MYH9: variants seen among roughly 807,000 people sequenced by gnomAD.
MYH9 encodes the protein myosin heavy chain 9.
In MYH9, 29 loss-of-function variants were observed where a neutral mutation model predicts 241.9. The observed-to-expected ratio is 0.12, with a 90% confidence interval of 0.09 to 0.16. The LOEUF is 0.16. MYH9 is among the 10% of genes least tolerant of loss of function. The pLI, the probability that MYH9 is intolerant of heterozygous loss-of-function variation, is 1.00. For synonymous variants in MYH9, 1,047 were observed against 1,062.6 expected (o/e 0.99, Z 0.29); for missense variants, 1,803 against 2,595.5 (o/e 0.69, Z 6.63).
In MYH9 at chr22:36,329,886, C is replaced by T. The variant is rs2017395833; in HGVS notation, c.491-2398G>A. Among the ~76,000 whole-genome samples, 1 of 152,162 alleles carries T rather than the reference C, an allele frequency of 6.6e-6. No homozygotes were observed. The highest frequency in any genetic ancestry group is 2.1e-4 in the South Asian group (1 of 4,836). ...ACGTGTGCACAGAAATACATGCGCA[C>T]ACACGTGTGCAAAGCCATATACATA... On this transcript the variant is annotated intron_variant, in intron 3 of 40. Transcript: ENST00000216181. This position sits in a 1 kb window ranked among gnomAD's most constrained non-coding sequence, Gnocchi z 4.1.
intron 1 of MYH9, among the ~76,000 whole-genome samples, chr22:36,369,664 C>T (rs540490457): frequency 1.1e-4 from 17 of 152,306 alleles, no homozygotes; most frequent in East Asian, 1.9e-4. Flanking sequence ...AACTAGGTAA[C>T]GCGACCCAGC....
chr22:36,315,912 C>A (rs1360326885), intron 12 of MYH9, among the ~76,000 whole-genome samples: 1 of 151,892 alleles, frequency 6.6e-6, no homozygotes, highest in African/African-American at 2.4e-5. Flanking sequence ...GTGGTGCGTG[C>A]CTATAGTTCC....
chr22:36,288,635 C>T lies in MYH9; in HGVS notation c.4770+92G>A. The T allele has an allele frequency of 6.6e-7, 1 of 1,513,290 alleles. No homozygotes were observed. The highest frequency in any genetic ancestry group is 9.1e-7 in the Non-Finnish European group (1 of 1,103,062). 93.7% of individuals were successfully genotyped at this position (1,513,290 alleles called of 1,614,324 possible). Reference sequence around the variant, plus strand: ...GGAGGGGAGGCGTGGTCAAGGGGCCCTAACACAATCCAGGTGGAAGGAGAG... The same window carrying T: ...GGAGGGGAGGCGTGGTCAAGGGGCCTTAACACAATCCAGGTGGAAGGAGAG... On this transcript the variant is annotated intron_variant, in intron 33 of 40. Coordinates refer to ENST00000216181, the MANE Select transcript of MYH9 (RefSeq NM_002473.6). This position sits in a 1 kb window ranked among gnomAD's most constrained non-coding sequence, Gnocchi z 4.8.
chr22:36,309,399 G>T lies in MYH9; in HGVS notation c.1729-3C>A, dbSNP rs2146351821. 1 of 1,612,928 alleles carries T rather than the reference G, an allele frequency of 6.2e-7. No homozygotes were observed. The highest frequency in any genetic ancestry group is 8.5e-7 in the Non-Finnish European group (1 of 1,178,922). Reference sequence around the variant, plus strand: ...CACTCGTCAGCTTTGTAATCCACCTGGCGGGGTCAGAGAGGCAGGAGTCAC... The same window carrying T: ...CACTCGTCAGCTTTGTAATCCACCTTGCGGGGTCAGAGAGGCAGGAGTCAC... On this transcript the variant is annotated splice_region_variant and splice_polypyrimidine_tract_variant and intron_variant, in intron 14 of 40. Coordinates refer to ENST00000216181, the MANE Select transcript of MYH9 (RefSeq NM_002473.6).
At chr22:36,351,754 C>T (rs2017768346) in intron 1 of MYH9, among the ~76,000 whole-genome samples, 1 of 152,032 alleles carries the variant, frequency 6.6e-6, no homozygotes, top group Non-Finnish European at 1.5e-5. Flanking sequence ...GACCTCAAAC[C>T]CACAAAGGAT....
chr22:36,369,882 T>C (rs1006562844), intron 1 of MYH9, among the ~76,000 whole-genome samples: 3 of 152,224 alleles, frequency 2.0e-5, no homozygotes, highest in Non-Finnish European at 4.4e-5. Flanking sequence ...TCTTGGACTC[T>C]CAACATTCCC....
intron 1 of MYH9, among the ~76,000 whole-genome samples, chr22:36,373,047 C>G (rs923795985): frequency 1.3e-5 from 2 of 152,202 alleles, no homozygotes; most frequent in Non-Finnish European, 2.9e-5. Flanking sequence ...CCCAAATACT[C>G]TCTCTTTACA....
Position 36,305,010 on chromosome 22 carries a change from G to A in MYH9, c.2229+23C>T. ...GACAAGGGGCTGCCCATCCAGAGAG[G>A]CAGGGACAGCAGCTCAACTCACCAT... On this transcript the variant is annotated intron_variant, in intron 18 of 40. Transcript: ENST00000216181. This position sits in a 1 kb window ranked among gnomAD's most constrained non-coding sequence, Gnocchi z 4.7. The A allele has an allele frequency of 6.2e-7, 1 of 1,611,472 alleles. No homozygotes were observed. The highest frequency in any genetic ancestry group is 8.5e-7 in the Non-Finnish European group (1 of 1,177,970).
intron 5 of MYH9, among the ~76,000 whole-genome samples, chr22:36,324,546 C>A (rs1385071085): frequency 6.6e-6 from 1 of 152,268 alleles, no homozygotes; most frequent in African/African-American, 2.4e-5. Context: ...AACCTGGCCT[C>A]CCCGCAGCAA....
intron 1 of MYH9, among the ~76,000 whole-genome samples, chr22:36,356,061 G>C (rs2017851019): frequency 6.6e-6 from 1 of 152,132 alleles, no homozygotes; most frequent in South Asian, 2.1e-4. Context: ...AATGGCCTTG[G>C]GCACGCCAAG....
chr22:36,337,739 G>C (rs2017521071), intron 3 of MYH9, among the ~76,000 whole-genome samples: 1 of 152,208 alleles, frequency 6.6e-6, no homozygotes, highest in African/African-American at 2.4e-5. Flanking sequence ...CAAAGCCAGG[G>C]GGGCAGCATG....
chr22:36,345,506 T>C (rs1043362663), intron 2 of MYH9, among the ~76,000 whole-genome samples: 1 of 152,002 alleles, frequency 6.6e-6, no homozygotes, highest in African/African-American at 2.4e-5. Flanking sequence ...GCAGAGTGGG[T>C]GTGACATAAG....
chr22:36,303,088 A>G (rs1270052348), intron 19 of MYH9, among the ~76,000 whole-genome samples: 3 of 152,090 alleles, frequency 2.0e-5, no homozygotes, highest in Admixed American at 1.3e-4. Flanking sequence ...TTGGTGGGAG[A>G]ACGTCAGAAG....
intron 35 of MYH9, 83 bp downstream of exon 35, chr22:36,286,612 TCCTGGAGCCCAGTAGGACTCCAG>T: frequency 6.6e-7 from 1 of 1,525,064 alleles, no homozygotes; most frequent in Non-Finnish European, 9.0e-7. Flanking sequence ...CCCAGCCAAT[TCCTGGAGCCCAGTAGGACTCCAG>T]CCCTGTCCTC....
chr22:36,289,020 C>T (rs1349468370), intron 32 of MYH9, 65 bp downstream of exon 32: 2 of 1,612,880 alleles, frequency 1.2e-6, no homozygotes, highest in Non-Finnish European at 1.7e-6. Context: ...TGTGCACACA[C>T]CGACCCTCTG....
chr22:36,316,334 G>A (rs1320826413), intron 12 of MYH9, among the ~76,000 whole-genome samples, 183 bp downstream of exon 12: 10 of 147,572 alleles, frequency 6.8e-5, no homozygotes, highest in Non-Finnish European at 1.3e-4. Flanking sequence ...GTGCCCAGCC[G>A]AGACCCTATC....
intron 12 of MYH9, among the ~76,000 whole-genome samples, chr22:36,314,999 G>T (rs1406679193): frequency 2.0e-5 from 3 of 152,060 alleles, no homozygotes; most frequent in Non-Finnish European, 1.5e-5. Flanking sequence ...GCCCAGGCTG[G>T]TCTCAAACTC....
At chr22:36,382,963 G>A (rs994381966) in intron 1 of MYH9, among the ~76,000 whole-genome samples, 1 of 152,126 alleles carries the variant, frequency 6.6e-6, no homozygotes, top group Non-Finnish European at 1.5e-5. Context: ...TTTCACACCT[G>A]TAACCCCAGC....
Position 36,326,590 on chromosome 22 carries a change from G to A in MYH9, c.590C>T (p.Ser197Leu), listed in dbSNP as rs747764327. 1.3e-5 allele frequency: 21 copies of A among 1,614,086 alleles called. No individual in the cohort carries two copies. Among genetic ancestry groups the A allele is most frequent in the East Asian group, 2.2e-5 (1 of 44,902 alleles). ...VIQYLAYVAS[S>L]HKSKKDQGEL... ...CACCTGGTCCTTCTTGCTCTTGTGC[G>A]AGGACGCCACGTACGCCAGATACTG... is the stretch of plus-strand genomic sequence containing the variant. The change falls in exon 5 of 41, where the codon TCG becomes TTG. Residue 197 changes from serine to leucine, a missense_variant. This residue lies in a region of MYH9 where 222 missense variants were observed against 359.9 expected (regional missense o/e 0.62). Transcript: ENST00000216181.
Sources: allele counts gnomAD v4.1 joint callset (sites outside exome capture counted in the v4.1 genomes callset), GRCh38; gene constraint gnomAD v4.1.1; regional missense constraint gnomAD v4.1.1; non-coding constraint Gnocchi (gnomAD v3.1); transcripts MANE v1.5; gene names NCBI Gene and HGNC (gene_info 2026-07-23, HGNC 2026-07-21).